Variants in GLIS2 observed in about 807,000 individuals in gnomAD.
GLIS2 encodes the protein zinc finger protein GLIS2.
GLIS2 carries 14 observed loss-of-function variants against 35.6 expected under a neutral mutation model. That is an observed-to-expected ratio of 0.39 (90% CI 0.26 to 0.61). The LOEUF (loss-of-function observed/expected upper bound fraction) is 0.61, where lower values mean the gene tolerates loss of function less well. Ranked by LOEUF, GLIS2 falls within the 20% of genes least tolerant of loss-of-function variation. The pLI is 0.48. For synonymous variants in GLIS2, 368 were observed against 325.1 expected (o/e 1.13, Z -1.42); for missense variants, 675 against 713.4 (o/e 0.95, Z 0.61).
Position 4,337,750 on chromosome 16 carries a change from C to G in GLIS2, c.*226C>G. 1.6e-6 allele frequency: 1 copy of G among 643,320 alleles called. No individual in the cohort carries two copies. Among genetic ancestry groups the G allele is most frequent in the South Asian group, 1.8e-5 (1 of 54,896 alleles). 39.9% of individuals were successfully genotyped at this position (643,320 alleles called of 1,614,324 possible). On this transcript the variant is annotated 3_prime_UTR_variant, in exon 7 of 7. Coordinates refer to ENST00000433375, the MANE Select transcript of GLIS2 (RefSeq NM_032575.3). ...AGAGCTGTGCTCCTGGGTGCTGAAG[C>G]CTCGCTCCTGTCTGTCCCCCACCAC...
chr16:4,320,704 C>A lies in GLIS2; in HGVS notation c.-67+4450C>A, dbSNP rs1352663646. Among the ~76,000 whole-genome samples the A allele has an allele frequency of 6.6e-6, 1 of 152,188 alleles. No homozygotes were observed. The highest frequency in any genetic ancestry group is 1.5e-5 in the Non-Finnish European group (1 of 68,020). On this transcript the variant is annotated intron_variant, in intron 1 of 6. Coordinates refer to ENST00000433375, the MANE Select transcript of GLIS2 (RefSeq NM_032575.3). The surrounding 1 kb of genome is among the most constrained non-coding windows in gnomAD (Gnocchi z 5.6). ...GGCCAGTTCTCCCCTGGGCCACTCC[C>A]ACCTTCATCCAGAGCCCCCATTCCC...
intron 1 of GLIS2, among the ~76,000 whole-genome samples, chr16:4,327,762 C>T (rs1433734271): frequency 6.6e-6 from 1 of 150,494 alleles, no homozygotes; most frequent in African/African-American, 2.4e-5. Flanking sequence ...CCGGTGGTCC[C>T]CGCGGCCGCC....
chr16:4,325,296 G>C (rs963423708), intron 1 of GLIS2: 1 of 152,262 alleles, frequency 6.6e-6, no homozygotes, highest in South Asian at 2.1e-4. Context: ...GCTCTGCCAC[G>C]GACAAGCTGT....
rs1269614183 is a variant in GLIS2, at chr16:4,335,140, G to T, written c.603G>T (p.Gly201=). 6.2e-7 allele frequency: 1 copy of T among 1,613,318 alleles called. No individual in the cohort carries two copies. Among genetic ancestry groups the T allele is most frequent in the South Asian group, 1.1e-5 (1 of 91,084 alleles). ...DYHVKPEKDA[G]YCCHWEGCAR... is the part of the protein sequence containing the mutation. The stretch of plus-strand genomic sequence containing the variant: ...ATGTCAAGCCCGAGAAGGATGCGGG[G>T]TACTGCTGCCACTGGGAGGGCTGCG... Residue 201 remains glycine (G), a synonymous_variant, in exon 5 of 7, where the codon GGG becomes GGT. Coordinates refer to ENST00000433375, the MANE Select transcript of GLIS2 (RefSeq NM_032575.3). This position sits in a 1 kb window ranked among gnomAD's most constrained non-coding sequence, Gnocchi z 4.6.
intron 1 of GLIS2, chr16:4,325,400 C>T (rs1381940906): frequency 6.6e-6 from 1 of 152,250 alleles, no homozygotes; most frequent in Non-Finnish European, 1.5e-5. Flanking sequence ...AGTACCCGCA[C>T]CTGGCTATGG....
Position 4,337,867 on chromosome 16 carries a change from A to G in GLIS2, c.*343A>G. ...CACCTCCCTCACCTAGTGACCACCC[A>G]TGGCAAGTTGCCCTCTCCCAGCAGA... On this transcript the variant is annotated 3_prime_UTR_variant, in exon 7 of 7. Coordinates refer to ENST00000433375, the MANE Select transcript of GLIS2 (RefSeq NM_032575.3). The G allele has an allele frequency of 6.7e-6, 3 of 446,136 alleles. No individual in the cohort carries two copies. The South Asian group carries it at 6.8e-5, about 10-fold the overall frequency. The allele number at this position is 446,136 out of a possible 1,614,324, so 27.6% of individuals were successfully genotyped here.
chr16:4,321,964 C>A (rs2141121499), intron 1 of GLIS2, among the ~76,000 whole-genome samples: 1 of 152,320 alleles, frequency 6.6e-6, no homozygotes, highest in Admixed American at 6.5e-5. Context: ...GCCCAGCAGG[C>A]CCTCAGGTAC....
upstream of GLIS2, among the ~76,000 whole-genome samples, chr16:4,315,607 C>G (rs1452144801): frequency 6.6e-6 from 1 of 151,666 alleles, no homozygotes; most frequent in African/African-American, 2.4e-5. Context: ...GCTCCCCCGC[C>G]CCCCCAGGCC....
intron 1 of GLIS2, among the ~76,000 whole-genome samples, chr16:4,318,150 G>A (rs1230220501): frequency 1.3e-5 from 2 of 152,218 alleles, no homozygotes; most frequent in African/African-American, 2.4e-5. Context: ...GTGGCTTCTG[G>A]GGATTGGCTG....
chr16:4,322,483 G>A (rs1419778363), intron 1 of GLIS2, among the ~76,000 whole-genome samples: 3 of 152,114 alleles, frequency 2.0e-5, no homozygotes, highest in African/African-American at 7.2e-5. Flanking sequence ...ATCCATTCGC[G>A]GGGTCATCAG....
At chr16:4,319,937 G>A (rs2141120045) in intron 1 of GLIS2, among the ~76,000 whole-genome samples, 1 of 152,204 alleles carries the variant, frequency 6.6e-6, no homozygotes, top group Admixed American at 6.5e-5. Context: ...GTGGGCCTGG[G>A]GGGCATGGAG....
At position 4,333,389 on chromosome 16, in the gene GLIS2, G is replaced by A. The variant is rs758270100; in HGVS notation, c.215G>A (p.Arg72His). 8.1e-6 allele frequency: 13 copies of A among 1,612,998 alleles called. No individual in the cohort carries two copies. In the South Asian group the frequency reaches 8.8e-5, roughly 11 times the overall value. ...NSKFPEKVEG[R>H]FSAAPLVDLS... ...AAGTTCCCCGAGAAGGTGGAGGGAC[G>A]CTTTTCAGCAGCCCCTCTCGTGGAC... Residue 72 changes from arginine to histidine, a missense_variant, in exon 3 of 7, where the codon CGC becomes CAC. Arg to His is a conservative substitution (Grantham distance 29). Coordinates refer to ENST00000433375, the MANE Select transcript of GLIS2 (RefSeq NM_032575.3).
intron 1 of GLIS2, among the ~76,000 whole-genome samples, chr16:4,322,113 G>T (rs939530252): frequency 6.6e-6 from 1 of 151,724 alleles, no homozygotes; most frequent in African/African-American, 2.4e-5. Flanking sequence ...GGTGAGGGAG[G>T]AGCTGGCACC....
intron 3 of GLIS2, among the ~76,000 whole-genome samples, chr16:4,334,450 C>G (rs1189521788): frequency 6.6e-6 from 1 of 151,982 alleles, no homozygotes; most frequent in Non-Finnish European, 1.5e-5. Flanking sequence ...ATTGGCCAGG[C>G]TGATCTTGAA....
chr16:4,329,856 G>GC (rs1259818151), intron 1 of GLIS2, among the ~76,000 whole-genome samples: 1 of 152,220 alleles, frequency 6.6e-6, no homozygotes, highest in Admixed American at 6.5e-5. Context: ...ATGAACAAAC[G>GC]CAAGGAAATG....
chr16:4,336,971 C>T lies in GLIS2; in HGVS notation c.1022C>T (p.Ala341Val), dbSNP rs756369339. 4.3e-6 allele frequency: 7 copies of T among 1,610,168 alleles called. No homozygotes were observed. The South Asian group carries it at 7.7e-5, about 18-fold the overall frequency. The change falls in exon 7 of 7, where the codon GCC (alanine) becomes GTC (valine). Residue 341 changes from alanine (A) to valine (V), a missense_variant. Around this residue, in one of 3 missense-constraint regions of GLIS2, gnomAD observed 317 missense variants for 283.2 expected, o/e 1.12. Coordinates refer to ENST00000433375, the MANE Select transcript of GLIS2 (RefSeq NM_032575.3). ...LRPPPKPPLP[A>V]PDGGPYVSGA... ...CCACCCCCCAAGCCGCCACTGCCCGCCCCCGACGGCGGCCCCTATGTCAGT... is the reference window on the plus strand; with the variant it reads ...CCACCCCCCAAGCCGCCACTGCCCGTCCCCGACGGCGGCCCCTATGTCAGT...
intron 1 of GLIS2, among the ~76,000 whole-genome samples, chr16:4,323,234 C>T (rs993053826): frequency 1.3e-5 from 2 of 152,166 alleles, no homozygotes; most frequent in Non-Finnish European, 2.9e-5. Context: ...CTGTCTCGCT[C>T]CCTGGTGCCA....
chr16:4,330,753 G>A (rs947158361), intron 1 of GLIS2, among the ~76,000 whole-genome samples: 2 of 152,238 alleles, frequency 1.3e-5, no homozygotes, highest in Non-Finnish European at 1.5e-5. Context: ...GCCAGTTCCC[G>A]GGAGATCTGG....
At chr16:4,329,869 G>A (rs767267459) in intron 1 of GLIS2, among the ~76,000 whole-genome samples, 3 of 152,212 alleles carry the variant, frequency 2.0e-5, no homozygotes, top group African/African-American at 4.8e-5. Context: ...AGGAAATGTC[G>A]TGTTTAACCG....
Sources: allele counts gnomAD v4.1 joint callset (sites outside exome capture counted in the v4.1 genomes callset), GRCh38; gene constraint gnomAD v4.1.1; regional missense constraint gnomAD v4.1.1; non-coding constraint Gnocchi (gnomAD v3.1); transcripts MANE v1.5; gene names NCBI Gene and HGNC (gene_info 2026-07-23, HGNC 2026-07-21).